The following GCH1 variants were observed in gnomAD, a reference collection of about 807,000 sequenced individuals.
GCH1 encodes GTP cyclohydrolase I.
In GCH1, 5 loss-of-function variants were observed where a neutral mutation model predicts 25.9. That is an observed-to-expected ratio of 0.19 (90% CI 0.10 to 0.41). GCH1 has a LOEUF of 0.41. Ranked by LOEUF, GCH1 falls within the 10% of genes least tolerant of loss-of-function variation. The pLI is 1.00. For missense variants in GCH1, 261 were observed against 336.5 expected (o/e 0.78, Z 1.75); for synonymous variants, 159 against 129.6 (o/e 1.23, Z -1.54).
In GCH1 at chr14:54,843,205, G is replaced by A. The variant is rs2039587183; in HGVS notation, c.*812C>T. On this transcript the variant is annotated 3_prime_UTR_variant, in exon 6 of 6. Transcript: ENST00000491895. ...AAACCTATAAAGTTAAAACTGAGCT[G>A]ACTAGTTATTTGCAGTGTGAGTACT... 8.3e-6 allele frequency: 12 copies of A among 1,441,166 alleles called. No homozygotes were observed. Among genetic ancestry groups the A allele is most frequent in the African/African-American group, 1.4e-5 (1 of 69,556 alleles). The allele number at this position is 1,441,166 out of a possible 1,614,324, so 89.3% of individuals were successfully genotyped here. A position where few individuals can be genotyped will look rare whatever the true frequency, so the allele number is the denominator to read the frequency against.
chr14:54,875,885 T>C (rs529870475), intron 1 of GCH1, among the ~76,000 whole-genome samples: 196 of 152,318 alleles, frequency 1.3e-3, no homozygotes, highest in Non-Finnish European at 2.2e-3. Flanking sequence ...AGGAACACTT[T>C]TACACTGTTA....
chr14:54,865,487 G>A (rs1400423479), intron 1 of GCH1, 51 bp from the exon 2 acceptor site: 8 of 852,542 alleles, frequency 9.4e-6, no homozygotes, highest in Non-Finnish European at 1.6e-5. Flanking sequence ...TAGAAAGGTA[G>A]AATTATGGAT....
chr14:54,874,541 G>A (rs2040129905), intron 1 of GCH1, among the ~76,000 whole-genome samples: 1 of 152,178 alleles, frequency 6.6e-6, no homozygotes, highest in South Asian at 2.1e-4. Flanking sequence ...TAGGAAAAGA[G>A]GAAGTCAAAT....
intron 3 of GCH1, among the ~76,000 whole-genome samples, chr14:54,856,342 T>C (rs1399210848): frequency 6.6e-6 from 1 of 152,196 alleles, no homozygotes; most frequent in African/African-American, 2.4e-5. Context: ...ATGTCCTGCT[T>C]CTTTAGCCTC....
chr14:54,862,377 CTCT>C (rs772184266), intron 2 of GCH1, among the ~76,000 whole-genome samples: 21,485 of 115,436 alleles, frequency 0.19, 1,624 homozygotes, highest in East Asian at 0.28. Flanking sequence ...TGAAGCACTA[CTCT>C]TTTTTTTTTT....
intron 1 of GCH1, among the ~76,000 whole-genome samples, chr14:54,873,792 G>A (rs182640310): frequency 0.047 from 7,206 of 152,022 alleles, 604 homozygotes; most frequent in African/African-American, 0.17. Flanking sequence ...AAGACTAAAC[G>A]AGGAAGAAGT....
intron 2 of GCH1, among the ~76,000 whole-genome samples, chr14:54,863,376 C>A (rs1304024573): frequency 8.2e-6 from 1 of 121,750 alleles, no homozygotes; most frequent in African/African-American, 3.1e-5. Flanking sequence ...GAGCCGAGAT[C>A]ACACCACTGC....
At chr14:54,900,814 A>G (rs2040553875) in intron 1 of GCH1, among the ~76,000 whole-genome samples, 1 of 150,970 alleles carries the variant, frequency 6.6e-6, no homozygotes, top group Non-Finnish European at 1.5e-5. Context: ...GTAAGGCCTT[A>G]AGAAGACATT....
At chr14:54,869,551 G>C (rs2040039480) in intron 1 of GCH1, among the ~76,000 whole-genome samples, 1 of 152,112 alleles carries the variant, frequency 6.6e-6, no homozygotes, top group East Asian at 1.9e-4. Context: ...CACAATCTCA[G>C]CTCACTGCAA....
rs967298634 is a variant in GCH1, at chr14:54,842,872, T to C, written c.*1145A>G. 9.7e-5 allele frequency: 48 copies of C among 496,564 alleles called. No homozygotes were observed. Among genetic ancestry groups the C allele is most frequent in the Non-Finnish European group, 1.7e-4 (46 of 275,128 alleles). 30.8% of individuals were successfully genotyped at this position (496,564 alleles called of 1,614,324 possible). A position where few individuals can be genotyped will look rare whatever the true frequency, so the allele number is the denominator to read the frequency against. On this transcript the variant is annotated 3_prime_UTR_variant, in exon 6 of 6. Transcript: ENST00000491895. ...AAATACCTATACCATCTATACGGAG[T>C]TACAATGAGGACAAGACCCACATAG...
chr14:54,870,486 A>C (rs911908390), intron 1 of GCH1, among the ~76,000 whole-genome samples: 10 of 151,896 alleles, frequency 6.6e-5, no homozygotes, highest in African/African-American at 2.4e-4. Flanking sequence ...CTCACTGGGG[A>C]GTGTCGGACA....
chr14:54,844,446 A>C (rs939242548), intron 5 of GCH1, among the ~76,000 whole-genome samples: 2 of 152,192 alleles, frequency 1.3e-5, no homozygotes, highest in Non-Finnish European at 2.9e-5. Flanking sequence ...GAAAAATGGA[A>C]TTTTCTTCTG....
intron 1 of GCH1, chr14:54,885,019 G>A (rs2040331066): frequency 4.2e-6 from 1 of 238,230 alleles, no homozygotes; most frequent in Non-Finnish European, 8.5e-6. Flanking sequence ...TAATTCTTCT[G>A]CATGATCTGG....
At chr14:54,875,302 C>T (rs1341457119) in intron 1 of GCH1, among the ~76,000 whole-genome samples, 2 of 152,302 alleles carry the variant, frequency 1.3e-5, no homozygotes, top group East Asian at 3.9e-4. Flanking sequence ...CCCTTCCTTA[C>T]ACCTTATACA....
intron 1 of GCH1, among the ~76,000 whole-genome samples, chr14:54,891,428 T>A (rs1415955747): frequency 1.5e-5 from 2 of 133,110 alleles, no homozygotes. Flanking sequence ...TTTTTTTTTT[T>A]AAACAGAGTC....
At chr14:54,892,689 A>AAAAAAT (rs961127041) in intron 1 of GCH1, among the ~76,000 whole-genome samples, 1 of 149,862 alleles carries the variant, frequency 6.7e-6, no homozygotes, top group Non-Finnish European at 1.5e-5. Context: ...ACTCTATCTC[A>AAAAAAT]AAAAATAAAA....
chr14:54,853,879 G>A (rs1465436286), intron 3 of GCH1, among the ~76,000 whole-genome samples: 1 of 152,098 alleles, frequency 6.6e-6, no homozygotes, highest in Non-Finnish European at 1.5e-5. Flanking sequence ...TTGAAAGCTT[G>A]AAAGAACACT....
At chr14:54,891,845 G>C (rs1459693241) in intron 1 of GCH1, among the ~76,000 whole-genome samples, 2 of 152,136 alleles carry the variant, frequency 1.3e-5, no homozygotes, top group African/African-American at 4.8e-5. Context: ...TAGTCACTTA[G>C]TATCCATCTC....
rs1053545166 is a variant in GCH1, at chr14:54,873,322, C to A, written c.344-7886G>T. Among the ~76,000 whole-genome samples, 330 of 152,216 alleles carry A rather than the reference C, an allele frequency of 2.2e-3. 1 individual carries two copies. The highest frequency in any genetic ancestry group is 3.9e-3 in the Non-Finnish European group (268 of 68,000). ...GAGAACAAAGACACAACATACCAGA[C>A]TCTCTGGGACACATTTAAAGCAGTG... On this transcript the variant is annotated intron_variant, in intron 1 of 5. Coordinates refer to ENST00000491895, the MANE Select transcript of GCH1 (RefSeq NM_000161.3).
Sources: gnomAD v4.1 joint callset for allele counts (sites outside exome capture counted in the v4.1 genomes callset) on GRCh38, gnomAD v4.1.1 for gene constraint, MANE v1.5 for transcripts, NCBI Gene and HGNC (gene_info 2026-07-23, HGNC 2026-07-21) for gene names.